The following ULK4 variants were observed in gnomAD, a reference collection of about 807,000 sequenced individuals.
ULK4 encodes the protein unc-51 like kinase 4.
ULK4 carries 133 observed loss-of-function variants against 160.6 expected under a neutral mutation model. That is an observed-to-expected ratio of 0.83 (90% CI 0.72 to 0.96). The LOEUF is 0.96. Among genes scored for constraint, ULK4 ranks in the 40% least tolerant of loss-of-function variants. The pLI is 0.00. For missense variants in ULK4, 1,580 were observed against 1,499.5 expected (o/e 1.05, Z -0.89); for synonymous variants, 534 against 539.8 (o/e 0.99, Z 0.15).
intron 32 of ULK4, among the ~76,000 whole-genome samples, chr3:41,491,691 ATTTT>A (rs2084771165): frequency 3.5e-5 from 1 of 28,872 alleles, no homozygotes; most frequent in South Asian, 7.3e-4. Context: ...AAAAAAAAGA[ATTTT>A]TATATTTTTT....
chr3:41,295,344 A>G (rs1559509513), intron 35 of ULK4, among the ~76,000 whole-genome samples: 1 of 134,234 alleles, frequency 7.4e-6, no homozygotes, highest in Non-Finnish European at 1.7e-5. Context: ...ACAGACCTCA[A>G]TGTGAAATGC....
At chr3:41,427,798 A>T (rs1382587717) in intron 34 of ULK4, among the ~76,000 whole-genome samples, 2 of 152,150 alleles carry the variant, frequency 1.3e-5, no homozygotes, top group African/African-American at 2.4e-5. Flanking sequence ...TTTATGACAA[A>T]CCCACAGTCA....
intron 18 of ULK4, among the ~76,000 whole-genome samples, chr3:41,827,684 G>A (rs1423556482): frequency 3.9e-5 from 6 of 152,114 alleles, no homozygotes; most frequent in East Asian, 1.9e-4. Context: ...AAAAGTTCAG[G>A]ACTAGATGGA....
Position 41,348,571 on chromosome 3 carries a change from T to C in ULK4, c.3678+49508A>G, listed in dbSNP as rs188040352. Among the ~76,000 whole-genome samples the C allele has an allele frequency of 9.2e-5, 14 of 152,316 alleles. No homozygotes were observed. In the East Asian group the frequency reaches 2.7e-3, roughly 29 times the overall value. On this transcript the variant is annotated intron_variant, in intron 35 of 36. Coordinates refer to ENST00000301831, the MANE Select transcript of ULK4 (RefSeq NM_017886.4). ...AAAAATCCTTCTGCCTCCAAAGTCC[T>C]ACACCCTTTATGCTGCCTAAGAACT...
At chr3:41,651,232 G>T (rs775540210) in intron 30 of ULK4, among the ~76,000 whole-genome samples, 3 of 152,056 alleles carry the variant, frequency 2.0e-5, no homozygotes, top group African/African-American at 4.8e-5. Context: ...GAAAATTGGG[G>T]GCTTGCTTTT....
At chr3:41,614,081 T>C (rs1254729229) in intron 31 of ULK4, among the ~76,000 whole-genome samples, 2 of 152,240 alleles carry the variant, frequency 1.3e-5, no homozygotes, top group Non-Finnish European at 2.9e-5. Context: ...ATGAAGGTGT[T>C]CTGGTAACCT....
intron 30 of ULK4, among the ~76,000 whole-genome samples, chr3:41,619,116 C>G (rs1028835452): frequency 3.3e-5 from 5 of 151,862 alleles, no homozygotes; most frequent in Admixed American, 2.0e-4. Flanking sequence ...ACAGGAGGAC[C>G]CAGATTCATA....
chr3:41,305,819 G>A (rs1177084608), intron 35 of ULK4, among the ~76,000 whole-genome samples: 2 of 148,484 alleles, frequency 1.3e-5, no homozygotes, highest in East Asian at 4.1e-4. Context: ...AGTGAGGAGC[G>A]TCTCTGCCCG....
intron 32 of ULK4, among the ~76,000 whole-genome samples, chr3:41,539,993 T>C (rs1296342996): frequency 6.6e-6 from 1 of 152,182 alleles, no homozygotes; most frequent in Admixed American, 6.5e-5. Context: ...TAGAGGAGAA[T>C]ATTTTGAAGA....
chr3:41,446,427 A>G (rs7374528), intron 34 of ULK4, among the ~76,000 whole-genome samples: 80,489 of 151,712 alleles, frequency 0.53, 21,782 homozygotes, highest in East Asian at 0.69. Context: ...ACATGCACAC[A>G]TATGTTTACT....
intron 17 of ULK4, among the ~76,000 whole-genome samples, chr3:41,844,524 C>A (rs1416050290): frequency 6.6e-6 from 1 of 152,160 alleles, no homozygotes; most frequent in East Asian, 1.9e-4. Context: ...CCCACACAGC[C>A]CCGGTTGCCG....
chr3:41,353,612 C>T (rs1032739899), intron 35 of ULK4, among the ~76,000 whole-genome samples: 1 of 151,786 alleles, frequency 6.6e-6, no homozygotes, highest in Non-Finnish European at 1.5e-5. Flanking sequence ...AGGTTACAGT[C>T]AGCTACGATT....
At chr3:41,357,409 C>T (rs9852891) in intron 35 of ULK4, among the ~76,000 whole-genome samples, 82,555 of 151,880 alleles carry the variant, frequency 0.54, 24,489 homozygotes, top group African/African-American at 0.8. Flanking sequence ...TGGGGTAGAA[C>T]GCTCTCCGGA....
chr3:41,872,705 AACC>A (rs897608626), intron 17 of ULK4, among the ~76,000 whole-genome samples: 3 of 152,146 alleles, frequency 2.0e-5, no homozygotes, highest in Non-Finnish European at 4.4e-5. Context: ...CAATTATCAG[AACC>A]ACGAGCCCAG....
At chr3:41,608,227 T>A (rs1443625663) in intron 31 of ULK4, among the ~76,000 whole-genome samples, 1 of 152,216 alleles carries the variant, frequency 6.6e-6, no homozygotes, top group East Asian at 1.9e-4. Flanking sequence ...GTACATCAGA[T>A]TTCCTGGCTC....
intron 19 of ULK4, among the ~76,000 whole-genome samples, chr3:41,806,939 T>C (rs2040660287): frequency 6.6e-6 from 1 of 152,014 alleles, no homozygotes; most frequent in Non-Finnish European, 1.5e-5. Flanking sequence ...CTTGAGCTCA[T>C]GAGTTTGAGA....
chr3:41,426,776 A>G (rs1218841764), intron 34 of ULK4, among the ~76,000 whole-genome samples: 2 of 152,160 alleles, frequency 1.3e-5, no homozygotes, highest in Non-Finnish European at 2.9e-5. Flanking sequence ...AGTGTTAAGA[A>G]GAAAATTTAC....
intron 22 of ULK4, among the ~76,000 whole-genome samples, chr3:41,741,402 T>C (rs1309078081): frequency 6.6e-6 from 1 of 151,962 alleles, no homozygotes; most frequent in Non-Finnish European, 1.5e-5. Flanking sequence ...CTATATACAA[T>C]GAATATCCTT....
In ULK4 at chr3:41,522,120, C is replaced by CT. The variant is rs200391098; in HGVS notation, c.3226+43904dup. ...CTAATATACTGGTTAAATGTTTTTT[C>CT]TTTTTTTTCTTTTTTTTTTTTTTTG... On this transcript the variant is annotated intron_variant, in intron 32 of 36. Transcript: ENST00000301831. Among the ~76,000 whole-genome samples, 477 of 130,424 alleles carry CT rather than the reference C, an allele frequency of 3.7e-3. 5 individuals are homozygous for CT. The highest frequency in any genetic ancestry group is 3.9e-3 in the South Asian group (16 of 4,140). 85.6% of individuals were successfully genotyped at this position (130,424 alleles called of 152,430 possible). A position where few individuals can be genotyped will look rare whatever the true frequency, so the allele number is the denominator to read the frequency against.
Sources: gnomAD v4.1 joint callset for allele counts (sites outside exome capture counted in the v4.1 genomes callset) on GRCh38, gnomAD v4.1.1 for gene constraint, MANE v1.5 for transcripts, NCBI Gene and HGNC (gene_info 2026-07-23, HGNC 2026-07-21) for gene names.